SLIT3: variants seen among roughly 807,000 people sequenced by gnomAD.
SLIT3 encodes slit guidance ligand 3, also known as slit homolog 3 protein.
Under a neutral mutation model 184.0 loss-of-function variants are expected in SLIT3, and 68 were observed. The ratio of observed to expected loss-of-function variants is 0.37; its 90% CI spans 0.30 to 0.45. SLIT3 has a LOEUF of 0.45. SLIT3 is among the 20% of genes least tolerant of loss of function. The pLI, the probability that SLIT3 is intolerant of heterozygous loss-of-function variation, is 1.00. For missense variants in SLIT3, 1,707 were observed against 2,026.0 expected, an observed-to-expected ratio of 0.84 and a Z score of 3.02; for synonymous variants, 831 against 828.6, an observed-to-expected ratio of 1.00 and a Z score of -0.05.
At chr5:168,975,065 A>C (rs1177506312) in intron 4 of SLIT3, among the ~76,000 whole-genome samples, 1 of 152,182 alleles carries the variant, frequency 6.6e-6, no homozygotes, top group Non-Finnish European at 1.5e-5. Context: ...AGTTACCACA[A>C]GGGGCACACA....
intron 29 of SLIT3, among the ~76,000 whole-genome samples, chr5:168,688,419 T>C (rs1761810489): frequency 6.6e-6 from 1 of 152,080 alleles, no homozygotes; most frequent in African/African-American, 2.4e-5. Context: ...TTCTCCCTCA[T>C]CCCTCTCCTC....
At chr5:169,268,760 CCAATGCAAGA>C (rs1296483269) in intron 1 of SLIT3, among the ~76,000 whole-genome samples, 29 of 152,128 alleles carry the variant, frequency 1.9e-4, no homozygotes, top group African/African-American at 7.0e-4. Context: ...CTCAAGTGAG[CCAATGCAAGA>C]CAAAGCATTT....
chr5:169,118,822 T>C (rs1461841914), intron 4 of SLIT3, among the ~76,000 whole-genome samples: 2 of 152,224 alleles, frequency 1.3e-5, no homozygotes, highest in Non-Finnish European at 2.9e-5. Flanking sequence ...ACTGATGGTA[T>C]TCTTTCCCTG....
chr5:168,762,758 T>C, intron 14 of SLIT3, 69 bp from the exon 15 acceptor site: 6 of 1,524,352 alleles, frequency 3.9e-6, no homozygotes, highest in Non-Finnish European at 5.4e-6. Flanking sequence ...TTGTGGGTAG[T>C]GGGGGTGGGA....
At chr5:168,966,779 C>G (rs1026973385) in intron 4 of SLIT3, among the ~76,000 whole-genome samples, 9 of 152,180 alleles carry the variant, frequency 5.9e-5, no homozygotes, top group African/African-American at 2.2e-4. Flanking sequence ...CCAACTTTAA[C>G]AGCATCTACC....
At chr5:169,208,129 T>A (rs1561739488) in intron 3 of SLIT3, among the ~76,000 whole-genome samples, 1 of 152,226 alleles carries the variant, frequency 6.6e-6, no homozygotes, top group Non-Finnish European at 1.5e-5. Context: ...TAGTAGTGTT[T>A]TGAAACATCA....
intron 1 of SLIT3, among the ~76,000 whole-genome samples, chr5:169,274,119 G>T (rs1313968310): frequency 2.6e-5 from 4 of 152,150 alleles, no homozygotes; most frequent in African/African-American, 9.7e-5. Context: ...CCATTGTAGG[G>T]CCTCATCCCA....
Position 168,741,424 on chromosome 5 carries a change from T to C in SLIT3, c.2270+6878A>G, listed in dbSNP as rs575123386. On this transcript the variant is annotated intron_variant, in intron 20 of 35. Transcript: ENST00000519560. ...AGGCAGAGCTTGCAGTAAGCCGAGA[T>C]CACACCACTGCATTCCAGCACTCCA... Among the ~76,000 whole-genome samples the C allele has an allele frequency of 5.3e-5, 7 of 131,194 alleles. No individual in the cohort carries two copies. In the South Asian group the frequency reaches 1.5e-3, roughly 28 times the overall value. 86.1% of individuals were successfully genotyped at this position (131,194 alleles called of 152,430 possible).
intron 20 of SLIT3, among the ~76,000 whole-genome samples, chr5:168,746,840 GGTGGTGT>G (rs1343599616): frequency 2.3e-4 from 22 of 94,594 alleles, no homozygotes; most frequent in Non-Finnish European, 4.0e-4. Flanking sequence ...GTGTGGGTGT[GGTGGTGT>G]GTGGTGTGTG....
intron 14 of SLIT3, among the ~76,000 whole-genome samples, chr5:168,770,776 C>A (rs1355628054): frequency 6.6e-6 from 1 of 152,062 alleles, no homozygotes. Context: ...CAGGATCCTG[C>A]AGATCTACAG....
At chr5:168,788,953 G>A (rs1756258582) in intron 11 of SLIT3, among the ~76,000 whole-genome samples, 1 of 152,094 alleles carries the variant, frequency 6.6e-6, no homozygotes, top group South Asian at 2.1e-4. Context: ...TGCCACACAT[G>A]AGTGACTGAC....
intron 4 of SLIT3, among the ~76,000 whole-genome samples, chr5:168,929,092 C>T (rs559329637): frequency 3.3e-4 from 51 of 152,252 alleles, no homozygotes; most frequent in African/African-American, 1.2e-3. Context: ...TCACAACAAC[C>T]CTGAATTAGG....
At chr5:169,236,122 C>T (rs1438689675) in intron 3 of SLIT3, among the ~76,000 whole-genome samples, 2 of 152,158 alleles carry the variant, frequency 1.3e-5, no homozygotes, top group Non-Finnish European at 2.9e-5. Flanking sequence ...TTTATTTACT[C>T]ATTTATTTCT....
chr5:168,979,958 A>G (rs1005553216), intron 4 of SLIT3, among the ~76,000 whole-genome samples: 2 of 152,080 alleles, frequency 1.3e-5, no homozygotes, highest in Non-Finnish European at 2.9e-5. Flanking sequence ...TCACTTCACA[A>G]AAAACCCTCG....
intron 4 of SLIT3, among the ~76,000 whole-genome samples, chr5:169,069,084 T>A (rs1758452809): frequency 6.6e-6 from 1 of 152,218 alleles, no homozygotes; most frequent in Non-Finnish European, 1.5e-5. Context: ...AGATGTAGAC[T>A]ATGTGCTTTA....
At position 168,844,632 on chromosome 5, in the gene SLIT3, C is replaced by T. The variant is rs145786016; in HGVS notation, c.509G>A (p.Ser170Asn). ...TCGGAAGGCTCCATCTTCAATGCAG[C>T]TGATGTGGTTGTTGTCCAGTTGCCT... ...KNLQLDNNHI[S>N]CIEDGAFRAL... is the part of the protein sequence containing the mutation. Residue 170 changes from serine to asparagine, a missense_variant, in exon 6 of 36, where the codon AGC becomes AAC. Transcript: ENST00000519560. 9.2e-5 allele frequency: 148 copies of T among 1,614,090 alleles called. No homozygotes were observed. Among genetic ancestry groups the T allele is most frequent in the Middle Eastern group, 3.3e-4 (2 of 6,084 alleles).
chr5:169,162,933 A>G (rs953998789), intron 4 of SLIT3, among the ~76,000 whole-genome samples: 5 of 152,138 alleles, frequency 3.3e-5, no homozygotes, highest in South Asian at 2.1e-4. Flanking sequence ...TCTAAGGGAG[A>G]AAGACCTGCA....
chr5:168,958,274 A>G (rs1762896776), intron 4 of SLIT3, among the ~76,000 whole-genome samples: 2 of 152,224 alleles, frequency 1.3e-5, no homozygotes, highest in Non-Finnish European at 2.9e-5. Flanking sequence ...GGACCTCATT[A>G]TACATGCACA....
At chr5:168,993,394 T>C (rs1464762892) in intron 4 of SLIT3, among the ~76,000 whole-genome samples, 1 of 152,164 alleles carries the variant, frequency 6.6e-6, no homozygotes, top group Non-Finnish European at 1.5e-5. Flanking sequence ...CGCCTGGCTT[T>C]TTCAGAGACT....
Sources: allele counts gnomAD v4.1 joint callset (sites outside exome capture counted in the v4.1 genomes callset), GRCh38; gene constraint gnomAD v4.1.1; transcripts MANE v1.5; gene names NCBI Gene and HGNC (gene_info 2026-07-23, HGNC 2026-07-21).